The following WRN variants were observed in gnomAD, a reference collection of about 807,000 sequenced individuals.
WRN encodes WRN RecQ like helicase, also known as bifunctional 3'-5' exonuclease/ATP-dependent helicase WRN.
A neutral mutation model predicts 180.7 loss-of-function variants in WRN; 149 were observed. The ratio of observed to expected loss-of-function variants is 0.82; its 90% CI spans 0.72 to 0.94. The LOEUF is 0.94. WRN is among the 40% of genes least tolerant of loss of function. The pLI is 0.00. For missense variants in WRN, 1,661 were observed against 1,700.1 expected, an observed-to-expected ratio of 0.98 and a Z score of 0.40; for synonymous variants, 548 against 568.9, an observed-to-expected ratio of 0.96 and a Z score of 0.52.
At chr8:31,172,651 C>G in intron 34 of WRN, among the ~76,000 whole-genome samples, 1 of 152,170 alleles carries the variant, frequency 6.6e-6, no homozygotes, top group East Asian at 1.9e-4. Flanking sequence ...GTTCCTTCCT[C>G]AGAACATTAA....
At position 31,076,244 on chromosome 8, in the gene WRN, A is replaced by G. The variant is rs756669569; in HGVS notation, c.796A>G (p.Lys266Glu). ...SISEEVMDLA[K>E]HLPHAFSKLE... ...CTCTGAGGAAGTGATGGATCTGGCTAAGCATCTTCCTCATGCTTTCAGTAA... is the reference window on the plus strand; with the variant it reads ...CTCTGAGGAAGTGATGGATCTGGCTGAGCATCTTCCTCATGCTTTCAGTAA... The change falls in exon 8 of 35, where the codon AAG becomes GAG. Residue 266 changes from lysine (K) to glutamate (E), a missense_variant. Physicochemically the swap from Lys to Glu is moderately conservative, Grantham distance 56 (BLOSUM62 1). Transcript: ENST00000298139. 5 of 1,613,970 alleles carry G rather than the reference A, an allele frequency of 3.1e-6. No individual in the cohort carries two copies. Among genetic ancestry groups the G allele is most frequent in the Non-Finnish European group, 4.2e-6 (5 of 1,179,944 alleles).
rs1457535255 is a variant in WRN, at chr8:31,173,326, T to A, written c.*224T>A. On this transcript the variant is annotated 3_prime_UTR_variant, in exon 35 of 35. Transcript: ENST00000298139. Reference sequence around the variant, plus strand: ...GTACATCACCTAACAGAATATTAAATTAGACTTCCTGTAAGATTGCTTTAA... The same window carrying A: ...GTACATCACCTAACAGAATATTAAAATAGACTTCCTGTAAGATTGCTTTAA... The A allele has an allele frequency of 3.8e-6, 2 of 526,348 alleles. No homozygotes were observed. The highest frequency in any genetic ancestry group is 3.4e-6 in the Non-Finnish European group (1 of 294,692). 32.6% of individuals were successfully genotyped at this position (526,348 alleles called of 1,614,324 possible).
chr8:31,053,703 C>G (rs1023562013), intron 1 of WRN, among the ~76,000 whole-genome samples: 1 of 152,086 alleles, frequency 6.6e-6, no homozygotes, highest in Admixed American at 6.5e-5. Flanking sequence ...AGGTATATGA[C>G]AGAGTTTATG....
At chr8:31,142,577 G>A in intron 26 of WRN, 49 bp from the exon 27 acceptor site, 1 of 1,379,112 alleles carries the variant, frequency 7.3e-7, no homozygotes, top group Non-Finnish European at 1.0e-6. Flanking sequence ...TCATGAATTA[G>A]ATACTTGCAT....
chr8:31,120,974 T>A (rs1801704751), intron 21 of WRN, among the ~76,000 whole-genome samples: 2 of 152,008 alleles, frequency 1.3e-5, no homozygotes, highest in African/African-American at 2.4e-5. Flanking sequence ...TGTTGCACTG[T>A]ACTGACAGAC....
intron 34 of WRN, among the ~76,000 whole-genome samples, chr8:31,172,161 C>A (rs67134029): frequency 0.29 from 44,106 of 151,458 alleles, 6,516 homozygotes; most frequent in South Asian, 0.34. Flanking sequence ...GTGTGTGTGC[C>A]TGTGTGTGTG....
At chr8:31,152,203 G>A (rs550728268) in intron 31 of WRN, among the ~76,000 whole-genome samples, 40 of 151,876 alleles carry the variant, frequency 2.6e-4, no homozygotes, top group African/African-American at 8.2e-4. Flanking sequence ...TGATCAAATC[G>A]TATTCTAGTC....
In WRN at chr8:31,174,434, A is replaced by T. The variant is rs1026526775; in HGVS notation, c.*1332A>T. ...TCATGGCTTGCCATTTTCACTGAAA[A>T]GAATGACTAATGAAAAACGATGATT... On this transcript the variant is annotated 3_prime_UTR_variant, in exon 35 of 35. Coordinates refer to ENST00000298139, the MANE Select transcript of WRN (RefSeq NM_000553.6). 4.6e-5 allele frequency among the ~76,000 whole-genome samples: 7 copies of T among 152,238 alleles called. No individual in the cohort carries two copies. The highest frequency in any genetic ancestry group is 2.6e-4 in the Admixed American group (4 of 15,282).
At chr8:31,065,512 T>A (rs751425640) in intron 5 of WRN, among the ~76,000 whole-genome samples, 1 of 152,202 alleles carries the variant, frequency 6.6e-6, no homozygotes, top group Non-Finnish European at 1.5e-5. Flanking sequence ...CTGCGTTAGT[T>A]TGCTAAGGAT....
At chr8:31,157,629 T>G in intron 33 of WRN, 99 bp downstream of exon 33, 1 of 1,467,988 alleles carries the variant, frequency 6.8e-7, no homozygotes. Context: ...TCCTTTATGC[T>G]ATTATGAAAA....
chr8:31,081,203 G>GATGTCGTTAGATATT lies in WRN; in HGVS notation c.1178_1192dup (p.Met393_Ile397dup). The GATGTCGTTAGATATT allele has an allele frequency of 3.7e-6, 6 of 1,613,904 alleles. No homozygotes were observed. Among genetic ancestry groups the GATGTCGTTAGATATT allele is most frequent in the Non-Finnish European group, 5.1e-6 (6 of 1,179,904 alleles). On this transcript the variant is annotated inframe_insertion, in exon 9 of 35. Transcript: ENST00000298139. Reference sequence around the variant, plus strand: ...AAGAGAATATGGAAAGAGCTTGTTTGATGTCGTTAGATATTACAGAACATG... The same window carrying GATGTCGTTAGATATT: ...AAGAGAATATGGAAAGAGCTTGTTTGATGTCGTTAGATATTATGTCGTTAGATATTACAGAACATG...
intron 21 of WRN, among the ~76,000 whole-genome samples, chr8:31,123,173 G>A (rs1038398577): frequency 2.6e-5 from 4 of 151,972 alleles, no homozygotes; most frequent in East Asian, 3.9e-4. Flanking sequence ...TTTGTCCGGT[G>A]CATTCACGTT....
intron 33 of WRN, among the ~76,000 whole-genome samples, chr8:31,158,818 A>G (rs1460928739): frequency 6.6e-6 from 1 of 152,152 alleles, no homozygotes; most frequent in East Asian, 1.9e-4. Context: ...GAAAGGACAG[A>G]CACGGAGGCA....
intron 33 of WRN, among the ~76,000 whole-genome samples, chr8:31,159,598 A>T (rs1326828823): frequency 2.0e-5 from 3 of 152,032 alleles, no homozygotes; most frequent in Non-Finnish European, 4.4e-5. Flanking sequence ...GACCAAAGCC[A>T]CCCATAAGCA....
At chr8:31,059,127 C>G in intron 2 of WRN, 26 bp from the exon 3 acceptor site, 1 of 1,538,414 alleles carries the variant, frequency 6.5e-7, no homozygotes. Flanking sequence ...AACTTTGTGC[C>G]TGTTTTGAAA....
chr8:31,098,647 G>A (rs1814088384), intron 17 of WRN, among the ~76,000 whole-genome samples: 1 of 152,200 alleles, frequency 6.6e-6, no homozygotes, highest in African/African-American at 2.4e-5. Context: ...GATATTATTT[G>A]TACAGCAGTC....
At position 31,116,438 on chromosome 8, in the gene WRN, A is replaced by AC. The variant is rs1801522729; in HGVS notation, c.2359dup (p.Leu787ProfsTer15). The AC allele has an allele frequency of 6.2e-7, 1 of 1,614,068 alleles. No homozygotes were observed. Among genetic ancestry groups the AC allele is most frequent in the Non-Finnish European group, 8.5e-7 (1 of 1,179,960 alleles). On this transcript the variant is annotated frameshift_variant, in exon 20 of 35. Coordinates refer to ENST00000298139, the MANE Select transcript of WRN (RefSeq NM_000553.6). LOFTEE classifies it high-confidence loss of function. ...AACAAGTTACAGGTGAACTTAGGAA[A>AC]CTGAATCTATCCTGTGGAACATACC...
chr8:31,051,419 T>G (rs1423052285), intron 1 of WRN, among the ~76,000 whole-genome samples: 1 of 152,172 alleles, frequency 6.6e-6, no homozygotes, highest in Admixed American at 6.5e-5. Context: ...TTAGCTAATT[T>G]GGAATGTAAT....
chr8:31,081,353 T>G, intron 9 of WRN, 57 bp downstream of exon 9: 1 of 1,571,772 alleles, frequency 6.4e-7, no homozygotes, highest in Non-Finnish European at 8.7e-7. Flanking sequence ...GCAGACTTTA[T>G]TCCCGTAAAG....
Sources: allele counts gnomAD v4.1 joint callset (sites outside exome capture counted in the v4.1 genomes callset), GRCh38; gene constraint gnomAD v4.1.1; transcripts MANE v1.5; gene names NCBI Gene and HGNC (gene_info 2026-07-23, HGNC 2026-07-21).